The following VMP1 variants were observed in gnomAD, a reference collection of about 807,000 sequenced individuals.
VMP1 encodes ectopic P-granules autophagy protein 3 homolog.
In VMP1, 11 loss-of-function variants were observed where a neutral mutation model predicts 56.0. The ratio of observed to expected loss-of-function variants is 0.20; its 90% confidence interval spans 0.12 to 0.32. The LOEUF (loss-of-function observed/expected upper bound fraction) is 0.32. Ranked by LOEUF, VMP1 falls within the 10% of genes least tolerant of loss-of-function variation. VMP1 has a pLI of 1.00. For missense variants in VMP1, 296 were observed against 490.3 expected, an observed-to-expected ratio of 0.60 and a Z score of 3.74; for synonymous variants, 149 against 165.0, an observed-to-expected ratio of 0.90 and a Z score of 0.74.
chr17:59,724,244 A>G (rs1440403312), intron 1 of VMP1, among the ~76,000 whole-genome samples: 2 of 151,968 alleles, frequency 1.3e-5, no homozygotes, highest in East Asian at 3.9e-4. Flanking sequence ...AAGAAAAAGA[A>G]AAAAGAAAGT....
chr17:59,766,919 A>C (rs2036252125), intron 6 of VMP1, among the ~76,000 whole-genome samples: 1 of 151,952 alleles, frequency 6.6e-6, no homozygotes, highest in South Asian at 2.1e-4. Context: ...AGCTGGGATT[A>C]CAGGCACCCG....
At chr17:59,751,360 A>G (rs1362487221) in intron 5 of VMP1, among the ~76,000 whole-genome samples, 1 of 152,146 alleles carries the variant, frequency 6.6e-6, no homozygotes, top group African/African-American at 2.4e-5. Flanking sequence ...ATAGTAAGTC[A>G]ATGTTTGCAT....
intron 1 of VMP1, among the ~76,000 whole-genome samples, chr17:59,716,551 G>A (rs960498809): frequency 1.3e-5 from 2 of 152,100 alleles, no homozygotes; most frequent in African/African-American, 4.8e-5. Context: ...ATTGAATTTG[G>A]ACTTGGAAAA....
At chr17:59,732,326 A>G (rs949060014) in intron 2 of VMP1, among the ~76,000 whole-genome samples, 3 of 151,954 alleles carry the variant, frequency 2.0e-5, no homozygotes, top group East Asian at 1.9e-4. Context: ...GCTCACTGCA[A>G]CCTCCGCCTC....
intron 10 of VMP1, among the ~76,000 whole-genome samples, chr17:59,832,447 A>T (rs904798957): frequency 2.6e-5 from 4 of 151,686 alleles, no homozygotes. Flanking sequence ...TTTCTCACCT[A>T]GAGCAAGTAC....
At position 59,826,790 on chromosome 17, in the gene VMP1, GAA is replaced by G. The variant is rs1332024288; in HGVS notation, c.974+9018_974+9019del. 4.6e-5 allele frequency among the ~76,000 whole-genome samples: 7 copies of G among 152,298 alleles called. No homozygotes were observed. In the East Asian group the frequency reaches 1.4e-3, roughly 29 times the overall value. On this transcript the variant is annotated intron_variant, in intron 10 of 11. Coordinates refer to ENST00000262291, the MANE Select transcript of VMP1 (RefSeq NM_030938.5). The stretch of plus-strand genomic sequence containing the variant: ...CCAGTTCTTTCTTGAAAACTGGAGT[GAA>G]GACTCCAAGATGTTTTGAGGCAGAG...
chr17:59,811,787 G>A lies in VMP1; in HGVS notation c.912+1G>A. Reference sequence around the variant, plus strand: ...AGCAATAATAAAAATGCATATCCAGGTAATTATACCCCCTGATTCACTGCC... The same window carrying A: ...AGCAATAATAAAAATGCATATCCAGATAATTATACCCCCTGATTCACTGCC... On this transcript the variant is annotated splice_donor_variant, in intron 9 of 11. Coordinates refer to ENST00000262291, the MANE Select transcript of VMP1 (RefSeq NM_030938.5). LOFTEE classifies it high-confidence loss of function. 1 of 1,581,878 alleles carries A rather than the reference G, an allele frequency of 6.3e-7. No homozygotes were observed. The highest frequency in any genetic ancestry group is 1.7e-5 in the Admixed American group (1 of 59,892).
At chr17:59,748,893 T>A (rs76399851) in intron 5 of VMP1, among the ~76,000 whole-genome samples, 81,454 of 133,484 alleles carry the variant, frequency 0.61, 24,886 homozygotes, top group East Asian at 0.75. Flanking sequence ...TATTATTATT[T>A]ATTTTTTTTT....
intron 5 of VMP1, among the ~76,000 whole-genome samples, chr17:59,758,218 A>G (rs183008116): frequency 3.3e-5 from 5 of 152,044 alleles, no homozygotes; most frequent in African/African-American, 9.6e-5. Context: ...ATGTGTTCAC[A>G]CTCATTTTAT....
At chr17:59,820,517 T>C (rs2038403484) in intron 10 of VMP1, among the ~76,000 whole-genome samples, 1 of 152,154 alleles carries the variant, frequency 6.6e-6, no homozygotes, top group Non-Finnish European at 1.5e-5. Context: ...CTAAACAGTG[T>C]CCTTTAGATT....
chr17:59,717,943 C>G (rs2034231883), intron 1 of VMP1, among the ~76,000 whole-genome samples: 1 of 151,660 alleles, frequency 6.6e-6, no homozygotes, highest in Non-Finnish European at 1.5e-5. Flanking sequence ...AAAAAAAAAT[C>G]AGACCCAGGG....
intron 9 of VMP1, among the ~76,000 whole-genome samples, chr17:59,816,635 C>A (rs1181175395): frequency 6.6e-6 from 1 of 151,832 alleles, no homozygotes; most frequent in African/African-American, 2.4e-5. Context: ...GAAACCCCAT[C>A]TCTACTAAAA....
At chr17:59,787,416 G>T (rs2037043353) in intron 7 of VMP1, among the ~76,000 whole-genome samples, 11 of 152,196 alleles carry the variant, frequency 7.2e-5, no homozygotes, top group Admixed American at 7.2e-4. Context: ...GCTGTTAAAT[G>T]AATGGCCAGT....
intron 5 of VMP1, among the ~76,000 whole-genome samples, chr17:59,750,226 T>C (rs1383882799): frequency 6.6e-6 from 1 of 152,216 alleles, no homozygotes; most frequent in African/African-American, 2.4e-5. Context: ...CATGTACTTC[T>C]TGCTGTGTAA....
intron 1 of VMP1, among the ~76,000 whole-genome samples, chr17:59,726,490 C>T (rs981290684): frequency 7.2e-5 from 11 of 151,942 alleles, no homozygotes; most frequent in Admixed American, 2.0e-4. Context: ...GACGGGGTTT[C>T]GCCATGTTGG....
intron 10 of VMP1, among the ~76,000 whole-genome samples, chr17:59,821,622 G>A (rs988067479): frequency 2.1e-5 from 3 of 142,728 alleles, no homozygotes; most frequent in East Asian, 2.1e-4. Context: ...CTCAGATCTC[G>A]ACTCACCGAA....
At chr17:59,735,689 A>T in intron 3 of VMP1, 1 of 499,716 alleles carries the variant, frequency 2.0e-6, no homozygotes, top group South Asian at 3.0e-5. Flanking sequence ...CTGGATTATC[A>T]CAGTTGTCCA....
At chr17:59,835,254 G>A (rs1410788677) in intron 10 of VMP1, among the ~76,000 whole-genome samples, 4 of 148,200 alleles carry the variant, frequency 2.7e-5, no homozygotes, top group African/African-American at 1.0e-4. Context: ...TCAGCCTCCC[G>A]AGTAGCTGGG....
At chr17:59,787,050 A>G (rs1211834130) in intron 7 of VMP1, among the ~76,000 whole-genome samples, 1 of 152,218 alleles carries the variant, frequency 6.6e-6, no homozygotes, top group Non-Finnish European at 1.5e-5. Context: ...TTTATCACAA[A>G]GTACCATCAA....
Sources: allele counts gnomAD v4.1 joint callset (sites outside exome capture counted in the v4.1 genomes callset), GRCh38; gene constraint gnomAD v4.1.1; transcripts MANE v1.5; gene names NCBI Gene and HGNC (gene_info 2026-07-23, HGNC 2026-07-21).